The following COL13A1 variants were observed in gnomAD, a reference collection of about 807,000 sequenced individuals.
The protein encoded by COL13A1 is collagen type XIII alpha 1 chain, also known as collagen alpha-1(XIII) chain.
Under a neutral mutation model 130.9 loss-of-function variants are expected in COL13A1, and 89 were observed. The observed-to-expected ratio is 0.68, with a 90% CI of 0.57 to 0.81. The LOEUF (loss-of-function observed/expected upper bound fraction) is 0.81, where lower values mean the gene tolerates loss of function less well. COL13A1 is among the 30% of genes least tolerant of loss of function. The pLI, the probability that COL13A1 is intolerant of heterozygous loss-of-function variation, is 0.00. For synonymous variants in COL13A1, 402 were observed against 341.6 expected, an observed-to-expected ratio of 1.18 and a Z score of -1.95; for missense variants, 879 against 934.6, an observed-to-expected ratio of 0.94 and a Z score of 0.78.
chr10:69,850,648 G>A (rs922849473), intron 2 of COL13A1, among the ~76,000 whole-genome samples: 1 of 151,802 alleles, frequency 6.6e-6, no homozygotes, highest in African/African-American at 2.4e-5. Context: ...ATGCTGAGGG[G>A]GGCTGAGGCA....
chr10:69,826,454 C>T (rs76916105), intron 2 of COL13A1, among the ~76,000 whole-genome samples: 4,439 of 152,242 alleles, frequency 0.029, 189 homozygotes, highest in African/African-American at 0.086. Flanking sequence ...TGTGCACTAG[C>T]GCCATGACCA....
Position 69,902,674 on chromosome 10 carries a change from G to A in COL13A1, c.751-74G>A, listed in dbSNP as rs532802501. On this transcript the variant is annotated intron_variant, in intron 14 of 40. Coordinates refer to ENST00000645393, the MANE Select transcript of COL13A1 (RefSeq NM_001368882.1). ...AAATCACAGCAGGCCTTCACTGGGT[G>A]CATGGCCTGAGGGTGGGGGACGGTC... 81 of 1,241,058 alleles carry A rather than the reference G, an allele frequency of 6.5e-5. No individual in the cohort carries two copies. The South Asian group carries it at 1.0e-3, about 16-fold the overall frequency. The allele number at this position is 1,241,058 out of a possible 1,614,324, so 76.9% of individuals were successfully genotyped here.
intron 10 of COL13A1, 29 bp from the exon 11 acceptor site, chr10:69,894,523 A>G (rs769435750): frequency 6.2e-7 from 1 of 1,613,256 alleles, no homozygotes. Context: ...CTGTCTGCCC[A>G]CTGACCTGTG....
chr10:69,925,816 G>A lies in COL13A1; in HGVS notation c.1342G>A (p.Glu448Lys), dbSNP rs1236967776. 4 of 1,599,198 alleles carry A rather than the reference G, an allele frequency of 2.5e-6. No homozygotes were observed. Among genetic ancestry groups the A allele is most frequent in the Middle Eastern group, 1.6e-4 (1 of 6,070 alleles). The change falls in exon 26 of 41, where the codon GAA becomes AAA. Residue 448 changes from glutamate to lysine, a missense_variant. By Grantham distance (56) the Glu-to-Lys change is moderately conservative. Around this residue, in one of 3 missense-constraint regions of COL13A1, gnomAD observed 715 missense variants for 721.0 expected, o/e 0.99. Transcript: ENST00000645393. Reference sequence around the variant, plus strand: ...ATTTGCCTTCCAGGGCTCCAAGGGAGAACCAGGGAAAGGAGAGATGGTGGA... The same window carrying A: ...ATTTGCCTTCCAGGGCTCCAAGGGAAAACCAGGGAAAGGAGAGATGGTGGA... ...GPDGPKGSKG[E>K]PGKGEMVDYN...
chr10:69,870,096 C>T (rs1383905522), intron 3 of COL13A1, among the ~76,000 whole-genome samples: 11 of 152,138 alleles, frequency 7.2e-5, no homozygotes, highest in Non-Finnish European at 4.4e-5. Flanking sequence ...CCTCAGTCCC[C>T]TCATCTGTAA....
chr10:69,866,997 A>G lies in COL13A1; in HGVS notation c.365-801A>G, dbSNP rs143939542. 3.9e-4 allele frequency among the ~76,000 whole-genome samples: 59 copies of G among 152,116 alleles called. No individual in the cohort carries two copies. The East Asian group carries it at 8.9e-3, about 23-fold the overall frequency. Reference sequence around the variant, plus strand: ...TCCGCAGAAGCGCCTTTCCTTCCCTATCTTTCTGGGACTGCTTTTCTAAAC... The same window carrying G: ...TCCGCAGAAGCGCCTTTCCTTCCCTGTCTTTCTGGGACTGCTTTTCTAAAC... On this transcript the variant is annotated intron_variant, in intron 2 of 40. Coordinates refer to ENST00000645393, the MANE Select transcript of COL13A1 (RefSeq NM_001368882.1).
At chr10:69,958,563 C>T in intron 40 of COL13A1, 136 bp from the exon 41 acceptor site, 1 of 1,369,976 alleles carries the variant, frequency 7.3e-7, no homozygotes, top group Non-Finnish European at 1.0e-6. Flanking sequence ...CACCTAGGGG[C>T]TCAGGGTTCC....
Position 69,958,888 on chromosome 10 carries a change from A to G in COL13A1, c.*187A>G, listed in dbSNP as rs2071317433. On this transcript the variant is annotated 3_prime_UTR_variant, in exon 41 of 41. Coordinates refer to ENST00000645393, the MANE Select transcript of COL13A1 (RefSeq NM_001368882.1). ...CCCTTTTGTTTACAAGATGTTTTGT[A>G]TAAGCCTATGTCTCTAATACATTTT... The G allele has an allele frequency of 1.3e-6, 1 of 749,574 alleles. No individual in the cohort carries two copies. Among genetic ancestry groups the G allele is most frequent in the East Asian group, 2.7e-5 (1 of 36,414 alleles). 46.4% of individuals were successfully genotyped at this position (749,574 alleles called of 1,614,324 possible). A position where few individuals can be genotyped will look rare whatever the true frequency, so the allele number is the denominator to read the frequency against.
intron 8 of COL13A1, among the ~76,000 whole-genome samples, chr10:69,888,078 G>C (rs967709981): frequency 6.6e-6 from 1 of 152,178 alleles, no homozygotes; most frequent in African/African-American, 2.4e-5. Flanking sequence ...TCTCTCTTGC[G>C]CTGTGCACCT....
intron 37 of COL13A1, 23 bp from the exon 38 acceptor site, chr10:69,947,284 T>C (rs753641388): frequency 6.2e-7 from 1 of 1,613,112 alleles, no homozygotes; most frequent in South Asian, 1.1e-5. Flanking sequence ...TTAACATGCC[T>C]TTCTTCCTCT....
rs753748228 is a variant in COL13A1, at chr10:69,932,501, C to T, written c.1684-59C>T. The T allele has an allele frequency of 1.3e-4, 162 of 1,242,772 alleles. 2 individuals carry two copies. The highest frequency in any genetic ancestry group is 8.0e-4 in the Middle Eastern group (4 of 5,026). The allele number at this position is 1,242,772 out of a possible 1,614,324, so 77.0% of individuals were successfully genotyped here. A position where few individuals can be genotyped will look rare whatever the true frequency, so the allele number is the denominator to read the frequency against. On this transcript the variant is annotated intron_variant, in intron 30 of 40. Transcript: ENST00000645393. ...CTAGTTTGTCACAGATGTGAGGGTG[C>T]GTCTGTCCCAGGCTTTCACAAGGGC...
At chr10:69,859,501 T>G (rs1054527307) in intron 2 of COL13A1, among the ~76,000 whole-genome samples, 2 of 152,316 alleles carry the variant, frequency 1.3e-5, no homozygotes, top group African/African-American at 4.8e-5. Context: ...AGCAGAGCCA[T>G]GATGTGACGT....
chr10:69,884,492 T>C (rs2060433743), intron 7 of COL13A1, among the ~76,000 whole-genome samples: 1 of 152,136 alleles, frequency 6.6e-6, no homozygotes, highest in African/African-American at 2.4e-5. Context: ...CTTGGTAGGC[T>C]TTTTCCAACA....
At chr10:69,930,304 C>A in intron 29 of COL13A1, 96 bp from the exon 30 acceptor site, 2 of 1,255,020 alleles carry the variant, frequency 1.6e-6, no homozygotes, top group Non-Finnish European at 2.2e-6. Flanking sequence ...AGACAAGCAC[C>A]AAAGAGCCAA....
intron 2 of COL13A1, among the ~76,000 whole-genome samples, chr10:69,857,471 C>T (rs1308943044): frequency 6.6e-6 from 1 of 152,214 alleles, no homozygotes; most frequent in African/African-American, 2.4e-5. Flanking sequence ...CCACTGCTCA[C>T]ATTATGACCT....
intron 17 of COL13A1, 43 bp from the exon 18 acceptor site, chr10:69,917,246 C>G (rs1419259259): frequency 6.8e-6 from 11 of 1,611,294 alleles, no homozygotes; most frequent in Non-Finnish European, 8.5e-6. Flanking sequence ...TGACAGGCCC[C>G]GAGTCTGGTC....
At chr10:69,870,719 G>A (rs2058979580) in intron 3 of COL13A1, among the ~76,000 whole-genome samples, 1 of 152,036 alleles carries the variant, frequency 6.6e-6, no homozygotes, top group Non-Finnish European at 1.5e-5. Flanking sequence ...GCTACATAAG[G>A]AAACAGAAGG....
chr10:69,865,472 C>T (rs559155961), intron 2 of COL13A1, among the ~76,000 whole-genome samples: 1 of 152,310 alleles, frequency 6.6e-6, no homozygotes, highest in East Asian at 1.9e-4. Flanking sequence ...GTTGGGTTTT[C>T]CAAGGCACCT....
At chr10:69,870,371 G>A (rs990163176) in intron 3 of COL13A1, among the ~76,000 whole-genome samples, 2 of 151,698 alleles carry the variant, frequency 1.3e-5, no homozygotes, top group African/African-American at 4.8e-5. Flanking sequence ...GGGGAGCAGT[G>A]GTGCGATCAA....
Sources: allele counts gnomAD v4.1 joint callset (sites outside exome capture counted in the v4.1 genomes callset), GRCh38; gene constraint gnomAD v4.1.1; regional missense constraint gnomAD v4.1.1; transcripts MANE v1.5; gene names NCBI Gene and HGNC (gene_info 2026-07-23, HGNC 2026-07-21).